The following CARD9 variants were observed in gnomAD, a reference collection of about 807,000 sequenced individuals.
CARD9 encodes the protein caspase recruitment domain family member 9.
A neutral mutation model predicts 66.0 loss-of-function variants in CARD9; 53 were observed. That is an observed-to-expected ratio of 0.80 (90% CI 0.64 to 1.01). The LOEUF (loss-of-function observed/expected upper bound fraction) is 1.01, where lower values mean the gene tolerates loss of function less well. Among genes scored for constraint, CARD9 ranks in the 50% least tolerant of loss-of-function variants. The pLI is 0.00. For missense variants in CARD9, 769 were observed against 743.2 expected (o/e 1.03, Z -0.40); for synonymous variants, 387 against 313.8 (o/e 1.23, Z -2.47).
rs1197970700 is a variant in CARD9 at position 136,364,495 on chromosome 9, T to C, written c.1499A>G (p.Glu500Gly). 1.9e-6 allele frequency: 3 copies of C among 1,539,872 alleles called. No homozygotes were observed. The highest frequency in any genetic ancestry group is 2.0e-5 in the Admixed American group (1 of 50,994). ...GCCGCCCGCCTACCTGCGGTAGTTC[T>C]CAAAACTCTCTTTGAGGCGCCGCCG... ...KERRRLKESFENYRRKRALRK... is the reference protein window; with the variant it reads ...KERRRLKESFGNYRRKRALRK... Residue 500 changes from glutamate to glycine, a missense_variant, in exon 12 of 13, where the codon GAG becomes GGG. Coordinates refer to ENST00000371732, the MANE Select transcript of CARD9 (RefSeq NM_052813.5).
rs772681853 is a variant in CARD9, at chr9:136,370,579, C to T, written c.750G>A (p.Leu250=). 20 of 1,611,896 alleles carry T rather than the reference C, an allele frequency of 1.2e-5. 1 individual carries two copies. In the South Asian group the frequency reaches 1.9e-4, roughly 15 times the overall value. ...CCTGGAGCAGGGCCTTCTCCTGCTG[C>T]AGCTCCCACAGCAGCTCCTGGCTGG... ...QRPSQELLWE[L]QQEKALLQAR... is the part of the protein sequence containing the mutation. Residue 250 remains leucine (L), a synonymous_variant, in exon 5 of 13, where the codon CTG becomes CTA. Coordinates refer to ENST00000371732, the MANE Select transcript of CARD9 (RefSeq NM_052813.5).
chr9:136,369,102 G>T (rs1833195078), intron 7 of CARD9, among the ~76,000 whole-genome samples: 1 of 152,170 alleles, frequency 6.6e-6, no homozygotes, highest in Non-Finnish European at 1.5e-5. Context: ...TTATAGGCGT[G>T]AGCCACCGCG....
Position 136,367,848 on chromosome 9 carries a change from C to A in CARD9, c.1078-20G>T. The A allele has an allele frequency of 6.3e-7, 1 of 1,585,650 alleles. No homozygotes were observed. Among genetic ancestry groups the A allele is most frequent in the Non-Finnish European group, 8.6e-7 (1 of 1,168,760 alleles). On this transcript the variant is annotated intron_variant, in intron 7 of 12. Transcript: ENST00000371732. ...TATGGCCTGACGGGACAGCACAAGG[C>A]CGACCCTCAGTGAGGGCCCCAAGCT...
Position 136,364,086 on chromosome 9 carries a change from T to C in CARD9, c.*216A>G, listed in dbSNP as rs1239442269. 1.3e-6 allele frequency: 2 copies of C among 1,550,054 alleles called. No homozygotes were observed. Among genetic ancestry groups the C allele is most frequent in the South Asian group, 1.2e-5 (1 of 84,052 alleles). On this transcript the variant is annotated 3_prime_UTR_variant, in exon 13 of 13. Transcript: ENST00000371732. ...TACACAGATGGCGTGTGCATGGGGG[T>C]GGTGAGCACCCGCATGGCCTCCGCA...
intron 10 of CARD9, 102 bp downstream of exon 10, chr9:136,366,697 TG>T: frequency 8.1e-7 from 1 of 1,239,248 alleles, no homozygotes; most frequent in South Asian, 1.2e-5. Flanking sequence ...GTGGGGGTTG[TG>T]GGGGTTGACA....
chr9:136,364,028 T>C lies in CARD9; in HGVS notation c.*274A>G. On this transcript the variant is annotated 3_prime_UTR_variant, in exon 13 of 13. Transcript: ENST00000371732. ...TAATACAATGCATGCATGTATTGTG[T>C]GTTACATGGTGAAACAGAACAGATC... The C allele has an allele frequency of 7.0e-7, 1 of 1,438,496 alleles. No individual in the cohort carries two copies. Among genetic ancestry groups the C allele is most frequent in the Non-Finnish European group, 9.6e-7 (1 of 1,044,786 alleles). 89.1% of individuals were successfully genotyped at this position (1,438,496 alleles called of 1,614,324 possible). A position where few individuals can be genotyped will look rare whatever the true frequency, so the allele number is the denominator to read the frequency against.
rs949200619 is a variant in CARD9, at chr9:136,364,108, C to G, written c.*194G>C. Reference sequence around the variant, plus strand: ...GGGTGGTGAGCACCCGCATGGCCTCCGCAAAATGAGTGCCGCTTAACAAAC... The same window carrying G: ...GGGTGGTGAGCACCCGCATGGCCTCGGCAAAATGAGTGCCGCTTAACAAAC... On this transcript the variant is annotated 3_prime_UTR_variant, in exon 13 of 13. Transcript: ENST00000371732. The G allele has an allele frequency of 2.6e-6, 4 of 1,550,534 alleles. 1 individual carries two copies. In the Admixed American group the frequency reaches 5.9e-5, roughly 23 times the overall value.
In CARD9 at chr9:136,371,364, G is replaced by T; in HGVS notation, c.282C>A (p.Val94=). 6.2e-7 allele frequency: 1 copy of T among 1,602,288 alleles called. No individual in the cohort carries two copies. Among genetic ancestry groups the T allele is most frequent in the South Asian group, 1.1e-5 (1 of 89,342 alleles). Residue 94 remains valine, a synonymous_variant, in exon 3 of 13, where the codon GTC becomes GTA. Coordinates refer to ENST00000371732, the MANE Select transcript of CARD9 (RefSeq NM_052813.5). The stretch of plus-strand genomic sequence containing the variant: ...AGACGCGGGCCGGCTCCTTGCCTGT[G>T]ACCTTCTTGTACAGCTGCGGGTAGT... The part of the protein sequence containing the change: ...ELYYPQLYKK[V]TGKEPARVFS...
Position 136,364,190 on chromosome 9 carries a change from A to G in CARD9, c.*112T>C. On this transcript the variant is annotated 3_prime_UTR_variant, in exon 13 of 13. Coordinates refer to ENST00000371732, the MANE Select transcript of CARD9 (RefSeq NM_052813.5). The stretch of plus-strand genomic sequence containing the variant: ...TTCAGGGCACCAGATTCCTCGTTCC[A>G]GGCCAAGTCAGCGACGGCTCGGGGA... The G allele has an allele frequency of 1.9e-6, 3 of 1,550,542 alleles. No homozygotes were observed. The highest frequency in any genetic ancestry group is 2.6e-6 in the Non-Finnish European group (3 of 1,146,808).
chr9:136,367,600 C>T lies in CARD9; in HGVS notation c.1269+37G>A, dbSNP rs145698391. 2.9e-3 allele frequency: 4,418 copies of T among 1,534,776 alleles called. 14 individuals carry two copies. The highest frequency in any genetic ancestry group is 3.5e-3 in the Non-Finnish European group (3,994 of 1,144,350). ...TGCTCCCCTGGCCCTGCATCCCACG[C>T]GCCGGCTCCCCTCCCTGCCGCAGGC... On this transcript the variant is annotated intron_variant, in intron 8 of 12. Transcript: ENST00000371732.
chr9:136,367,483 T>C, intron 8 of CARD9, 154 bp downstream of exon 8: 1 of 1,015,650 alleles, frequency 9.8e-7, no homozygotes, highest in South Asian at 1.6e-5. Context: ...GAACTGCTCG[T>C]GTGCCCTCAC....
At chr9:136,373,043 T>C (rs1459759537) in intron 1 of CARD9, among the ~76,000 whole-genome samples, 1 of 152,138 alleles carries the variant, frequency 6.6e-6, no homozygotes, top group African/African-American at 2.4e-5. Context: ...AGCCACTCCC[T>C]CTGAGACTGG....
rs12002664 is a variant in CARD9, at chr9:136,365,615, G to A, written c.1358-398C>T. ...GAGAGAGTTGGGGACAGCTACAGTG[G>A]CTGTCTGGGTCCTCCTGAAGTGGGG... On this transcript the variant is annotated intron_variant, in intron 10 of 12. Transcript: ENST00000371732. 8.6e-3 allele frequency: 2,089 copies of A among 242,888 alleles called. 47 individuals are homozygous for A. Among genetic ancestry groups the A allele is most frequent in the African/African-American group, 0.044 (1,978 of 44,550 alleles). The allele number at this position is 242,888 out of a possible 1,614,324, so 15.0% of individuals were successfully genotyped here.
Position 136,370,913 on chromosome 9 carries a change from C to T in CARD9, c.555G>A (p.Leu185=). 1 of 1,611,620 alleles carries T rather than the reference C, an allele frequency of 6.2e-7. No individual in the cohort carries two copies. Among genetic ancestry groups the T allele is most frequent in the Non-Finnish European group, 8.5e-7 (1 of 1,179,146 alleles). ...CACTCTGGTGCGCCAGGCGCATGGC[C>T]AGGTCGTAGTTCTCCTCCTTGCAGC... ...LKRCKEENYD[L]AMRLAHQSEE... Residue 185 remains leucine, a synonymous_variant, in exon 4 of 13, where the codon CTG becomes CTA. Transcript: ENST00000371732.
chr9:136,366,880 C>T lies in CARD9; in HGVS notation c.1312-35G>A, dbSNP rs377163773. 5 of 1,612,098 alleles carry T rather than the reference C, an allele frequency of 3.1e-6. No homozygotes were observed. In the African/African-American group the frequency reaches 6.7e-5, roughly 22 times the overall value. ...AGAGTCAAGATGTCCCATTAGGCCA[C>T]TTCGCCAAGGACTGGACCCGGCCAC... On this transcript the variant is annotated intron_variant, in intron 9 of 12. Transcript: ENST00000371732.
intron 7 of CARD9, 141 bp downstream of exon 7, chr9:136,369,609 A>T: frequency 6.7e-7 from 1 of 1,485,424 alleles, no homozygotes. Context: ...GTTTGAGGCC[A>T]CCCTGGGTGA....
chr9:136,367,956 C>T, intron 7 of CARD9, 128 bp from the exon 8 acceptor site: 1 of 1,442,930 alleles, frequency 6.9e-7, no homozygotes, highest in South Asian at 1.4e-5. Flanking sequence ...AGGCTGGTCA[C>T]AGCCCCTCCA....
intron 6 of CARD9, 45 bp from the exon 7 acceptor site, chr9:136,369,920 A>T (rs1372947660): frequency 6.2e-7 from 1 of 1,606,342 alleles, no homozygotes; most frequent in Non-Finnish European, 8.5e-7. Context: ...GAGGCCCCCC[A>T]TTCTGGCCCT....
chr9:136,370,551 G>C lies in CARD9; in HGVS notation c.778C>G (p.Arg260Gly). 6.2e-7 allele frequency: 1 copy of C among 1,606,678 alleles called. No homozygotes were observed. The highest frequency in any genetic ancestry group is 8.5e-7 in the Non-Finnish European group (1 of 1,177,880). Reference sequence around the variant, plus strand: ...ACGGAGGCCTCCAGCTCCTGCACCCGGGCCTGGAGCAGGGCCTTCTCCTGC... The same window carrying C: ...ACGGAGGCCTCCAGCTCCTGCACCCCGGCCTGGAGCAGGGCCTTCTCCTGC... The part of the protein sequence containing the change: ...LQQEKALLQA[R>G]VQELEASVQE... The change falls in exon 5 of 13, where the codon CGG becomes GGG. Residue 260 changes from arginine to glycine, a missense_variant. Arg to Gly is a moderately radical substitution (Grantham distance 125). Transcript: ENST00000371732.
Sources: allele counts gnomAD v4.1 joint callset (sites outside exome capture counted in the v4.1 genomes callset), GRCh38; gene constraint gnomAD v4.1.1; transcripts MANE v1.5; gene names NCBI Gene and HGNC (gene_info 2026-07-23, HGNC 2026-07-21).